The following POU6F2 variants were observed in gnomAD, a reference collection of about 807,000 sequenced individuals.
POU6F2 encodes POU class 6 homeobox 2.
POU6F2 carries 31 observed loss-of-function variants against 71.3 expected under a neutral mutation model. The ratio of observed to expected loss-of-function variants is 0.43; its 90% CI spans 0.33 to 0.59. POU6F2 has a LOEUF of 0.59. POU6F2 is among the 20% of genes least tolerant of loss of function. The pLI is 0.04. For missense variants in POU6F2, 783 were observed against 856.8 expected (o/e 0.91, Z 1.07); for synonymous variants, 347 against 355.7 (o/e 0.98, Z 0.27).
intron 2 of POU6F2, among the ~76,000 whole-genome samples, chr7:39,189,930 C>T (rs1241730264): frequency 6.6e-6 from 1 of 151,832 alleles, no homozygotes; most frequent in Non-Finnish European, 1.5e-5. Context: ...GCCTCACTCC[C>T]TCACCCAGGC....
intron 5 of POU6F2, among the ~76,000 whole-genome samples, chr7:39,399,072 A>C (rs897572529): frequency 6.6e-6 from 1 of 152,174 alleles, no homozygotes; most frequent in Admixed American, 6.5e-5. Flanking sequence ...ATTGCAAGAC[A>C]CATTTCTGAG....
chr7:39,187,948 G>A (rs1397238015), intron 2 of POU6F2, among the ~76,000 whole-genome samples: 2 of 152,088 alleles, frequency 1.3e-5, no homozygotes, highest in South Asian at 2.1e-4. Context: ...CTAAAGTGTC[G>A]CCTTGTTAGA....
At chr7:39,183,792 T>A (rs371402090) in intron 2 of POU6F2, among the ~76,000 whole-genome samples, 1 of 152,222 alleles carries the variant, frequency 6.6e-6, no homozygotes, top group South Asian at 2.1e-4. Context: ...TTCTATAGCT[T>A]CCATTGACAA....
chr7:39,278,336 T>C (rs950550294), intron 4 of POU6F2, among the ~76,000 whole-genome samples: 1 of 152,120 alleles, frequency 6.6e-6, no homozygotes, highest in Non-Finnish European at 1.5e-5. Context: ...GCATTGAGCC[T>C]GTTTATGGTC....
intron 1 of POU6F2, among the ~76,000 whole-genome samples, chr7:39,071,598 G>C (rs1790881016): frequency 6.6e-6 from 1 of 151,358 alleles, no homozygotes; most frequent in Non-Finnish European, 1.5e-5. Flanking sequence ...AGGATCACTT[G>C]AACCCAGGAG....
intron 1 of POU6F2, among the ~76,000 whole-genome samples, chr7:38,981,626 C>T (rs78195263): frequency 6.6e-6 from 1 of 152,304 alleles, no homozygotes; most frequent in East Asian, 1.9e-4. Flanking sequence ...ATCATGGATG[C>T]ACTTCCAGTT....
chr7:39,129,045 A>G (rs1480872292), intron 2 of POU6F2, among the ~76,000 whole-genome samples: 1 of 152,230 alleles, frequency 6.6e-6, no homozygotes, highest in Non-Finnish European at 1.5e-5. Flanking sequence ...ACCTGAAATG[A>G]CATGAATGCC....
At chr7:39,261,089 A>C (rs115945843) in intron 4 of POU6F2, among the ~76,000 whole-genome samples, 5,658 of 133,644 alleles carry the variant, frequency 0.042, 130 homozygotes, top group East Asian at 0.092. Flanking sequence ...ACACACACAC[A>C]CACCCCACGC....
chr7:39,337,712 A>G (rs558051530), intron 4 of POU6F2, among the ~76,000 whole-genome samples: 1 of 152,152 alleles, frequency 6.6e-6, no homozygotes, highest in Admixed American at 6.5e-5. Context: ...ACGTTCATAT[A>G]TGCCCCTCCT....
chr7:39,124,526 C>G (rs1792107159), intron 2 of POU6F2, among the ~76,000 whole-genome samples: 1 of 152,140 alleles, frequency 6.6e-6, no homozygotes, highest in African/African-American at 2.4e-5. Context: ...GCTTAGGTGA[C>G]AAGAGTAGTT....
intron 2 of POU6F2, among the ~76,000 whole-genome samples, chr7:39,179,873 T>G (rs975944646): frequency 6.6e-6 from 1 of 152,220 alleles, no homozygotes; most frequent in Non-Finnish European, 1.5e-5. Context: ...TTAAGCACGT[T>G]GTATTTCATT....
At position 39,433,300 on chromosome 7, in the gene POU6F2, A is replaced by G; in HGVS notation, c.1320+17A>G. The G allele has an allele frequency of 6.2e-7, 1 of 1,613,760 alleles. No individual in the cohort carries two copies. Among genetic ancestry groups the G allele is most frequent in the South Asian group, 1.1e-5 (1 of 91,076 alleles). On this transcript the variant is annotated intron_variant, in intron 7 of 9. Coordinates refer to ENST00000518318, the MANE Select transcript of POU6F2 (RefSeq NM_001370959.1). ...GGCCAGCAGGTAAATGTTCCAGGCC[A>G]AGGCAGCCATGGCACAGGACACTGT...
At chr7:39,201,186 C>A (rs891217580) in intron 2 of POU6F2, among the ~76,000 whole-genome samples, 5 of 152,094 alleles carry the variant, frequency 3.3e-5, no homozygotes, top group Non-Finnish European at 7.4e-5. Context: ...CTGTTGTTAT[C>A]CCTGACTTTT....
At chr7:39,380,182 T>C (rs6462913) in intron 5 of POU6F2, among the ~76,000 whole-genome samples, 25,610 of 152,012 alleles carry the variant, frequency 0.17, 2,421 homozygotes, top group East Asian at 0.48. Context: ...CCTAAAAAAT[T>C]CTCTTTTATT....
chr7:39,418,581 T>C (rs1481384340), intron 6 of POU6F2, among the ~76,000 whole-genome samples: 4 of 151,792 alleles, frequency 2.6e-5, no homozygotes, highest in African/African-American at 9.7e-5. Flanking sequence ...TCCCAGCTAC[T>C]TGGGAAGCTG....
chr7:39,206,655 T>C (rs915372958), intron 3 of POU6F2, among the ~76,000 whole-genome samples: 21 of 152,354 alleles, frequency 1.4e-4, no homozygotes, highest in African/African-American at 5.1e-4. Flanking sequence ...AGAGGTGTCA[T>C]AATGATCCAT....
intron 4 of POU6F2, among the ~76,000 whole-genome samples, chr7:39,300,444 G>A (rs1330611289): frequency 6.6e-6 from 1 of 152,044 alleles, no homozygotes; most frequent in Non-Finnish European, 1.5e-5. Flanking sequence ...GGCAAGTGAC[G>A]AATGCTGGAG....
intron 2 of POU6F2, among the ~76,000 whole-genome samples, chr7:39,088,427 CA>C (rs1791300133): frequency 6.6e-6 from 1 of 152,058 alleles, no homozygotes; most frequent in Non-Finnish European, 1.5e-5. Flanking sequence ...TTTGGTGACA[CA>C]ATTTAAGGAA....
intron 6 of POU6F2, among the ~76,000 whole-genome samples, chr7:39,426,559 G>A (rs1407056842): frequency 2.0e-5 from 3 of 151,882 alleles, no homozygotes; most frequent in African/African-American, 7.3e-5. Context: ...CTCTCTTTGT[G>A]TCTCCCTCCC....
Sources: allele counts gnomAD v4.1 joint callset (sites outside exome capture counted in the v4.1 genomes callset), GRCh38; gene constraint gnomAD v4.1.1; transcripts MANE v1.5; gene names NCBI Gene and HGNC (gene_info 2026-07-23, HGNC 2026-07-21).